Variants in C13orf46 observed in about 807,000 individuals in gnomAD.
C13orf46 encodes the protein chromosome 13 open reading frame 46, also known as uncharacterized protein C13orf46.
intron 6 of C13orf46, among the ~76,000 whole-genome samples, chr13:113,959,799 T>G (rs988428826): frequency 1.1e-4 from 16 of 152,224 alleles, no homozygotes; most frequent in Non-Finnish European, 2.1e-4. Context: ...GCAAAATGAC[T>G]GGCTATTTTA....
rs1566414283 is a variant in C13orf46, at chr13:113,955,911, G to A, written c.*862C>T. On this transcript the variant is annotated 3_prime_UTR_variant, in exon 7 of 7. Transcript: ENST00000636427. ...GTGGAGAGGAGGAGCATCTCGCAGA[G>A]AGGAGGAGCATCTCGCGGAGACGAG... is the stretch of plus-strand genomic sequence containing the variant. 6.3e-6 allele frequency: 1 copy of A among 158,942 alleles called. No homozygotes were observed. Among genetic ancestry groups the A allele is most frequent in the Non-Finnish European group, 1.4e-5 (1 of 73,514 alleles). 9.8% of individuals were successfully genotyped at this position (158,942 alleles called of 1,614,324 possible).
At chr13:113,965,626 A>G (rs926460238) in intron 5 of C13orf46, among the ~76,000 whole-genome samples, 21,184 of 151,918 alleles carry the variant, frequency 0.14, 1,789 homozygotes, top group Middle Eastern at 0.2. Flanking sequence ...GATGGTGGTG[A>G]TGATGACAGT....
downstream of C13orf46, among the ~76,000 whole-genome samples, chr13:113,949,314 G>A (rs2052480387): frequency 6.6e-6 from 1 of 152,222 alleles, no homozygotes; most frequent in Admixed American, 6.5e-5. Flanking sequence ...GTGAATCTGA[G>A]GGGATGTAAA....
At chr13:113,945,575 A>AAGAGAGAGAG in the C13orf46 span, among the ~76,000 whole-genome samples, 290 of 89,094 alleles carry the variant, frequency 3.3e-3, 7 homozygotes, top group African/African-American at 7.9e-3. Flanking sequence ...GAAAGAAAGA[A>AAGAGAGAGAG]AGAGAGAGAG....
intron 5 of C13orf46, among the ~76,000 whole-genome samples, chr13:113,965,764 A>ATGATGG (rs1358387860): frequency 7.1e-6 from 1 of 140,572 alleles, no homozygotes; most frequent in South Asian, 2.3e-4. Flanking sequence ...GGTGATGGTG[A>ATGATGG]TGATGGTGAT....
intron 2 of C13orf46, among the ~76,000 whole-genome samples, chr13:113,969,850 C>T (rs2052685576): frequency 1.3e-5 from 2 of 152,278 alleles, no homozygotes; most frequent in South Asian, 4.2e-4. Flanking sequence ...ACGACGCCTC[C>T]TTCCCCAGAG....
At chr13:113,966,481 A>G (rs1421289546) in intron 5 of C13orf46, among the ~76,000 whole-genome samples, 1 of 150,202 alleles carries the variant, frequency 6.7e-6, no homozygotes, top group Non-Finnish European at 1.5e-5. Context: ...TATAATGGTG[A>G]TGATGATGGT....
intron 6 of C13orf46, among the ~76,000 whole-genome samples, chr13:113,963,247 C>CCCCTGTCCTCAGCCTCGG (rs1457247316): frequency 2.1e-5 from 2 of 97,356 alleles, no homozygotes; most frequent in East Asian, 4.1e-4. Flanking sequence ...CTCAGCCTCG[C>CCCCTGTCCTCAGCCTCGG]CCCTGTCCTC....
chr13:113,970,820 G>A (rs2052696962), intron 1 of C13orf46, among the ~76,000 whole-genome samples: 1 of 152,160 alleles, frequency 6.6e-6, no homozygotes, highest in Non-Finnish European at 1.5e-5. Flanking sequence ...TGTGACAGAG[G>A]ACAGGGGCCC....
At chr13:113,964,349 C>G (rs1189553764) in intron 6 of C13orf46, among the ~76,000 whole-genome samples, 1 of 152,240 alleles carries the variant, frequency 6.6e-6, no homozygotes, top group African/African-American at 2.4e-5. Flanking sequence ...CCACACCCAT[C>G]TTCAGGGCCT....
chr13:113,949,357 G>A (rs1181703535), downstream of C13orf46, among the ~76,000 whole-genome samples: 1 of 152,246 alleles, frequency 6.6e-6, no homozygotes, highest in East Asian at 1.9e-4. Flanking sequence ...AGGAGTGAGT[G>A]TGGGTTGCCT....
intron 1 of C13orf46, among the ~76,000 whole-genome samples, chr13:113,971,549 G>C (rs758932696): frequency 6.3e-4 from 96 of 152,330 alleles, no homozygotes; most frequent in Non-Finnish European, 1.3e-3. Flanking sequence ...TGCTCTTGCC[G>C]GCCTCTCTGG....
At chr13:113,963,157 C>T (rs1434782117) in intron 6 of C13orf46, among the ~76,000 whole-genome samples, 5 of 151,950 alleles carry the variant, frequency 3.3e-5, no homozygotes, top group Non-Finnish European at 7.4e-5. Flanking sequence ...ACAGCTGCAG[C>T]CCCTGTCCTC....
chr13:113,972,985 C>G (rs1354634075), intron 1 of C13orf46, among the ~76,000 whole-genome samples: 2 of 152,200 alleles, frequency 1.3e-5, no homozygotes, highest in African/African-American at 4.8e-5. Flanking sequence ...ACCTGGAGTG[C>G]TCCCCACTTC....
chr13:113,957,480 G>C (rs1304419992), intron 6 of C13orf46, among the ~76,000 whole-genome samples: 1 of 140,560 alleles, frequency 7.1e-6, no homozygotes, highest in Non-Finnish European at 1.5e-5. Context: ...AGCACACTGG[G>C]GGTCTCCCCT....
At chr13:113,963,265 G>GT (rs2052603344) in intron 6 of C13orf46, among the ~76,000 whole-genome samples, 1 of 97,026 alleles carries the variant, frequency 1.0e-5, no homozygotes, top group Admixed American at 1.1e-4. Context: ...CTCAGCCTCG[G>GT]CCCTGTCCTC....
chr13:113,950,024 G>A (rs976006719), downstream of C13orf46, among the ~76,000 whole-genome samples: 26 of 148,356 alleles, frequency 1.8e-4, no homozygotes, highest in Middle Eastern at 3.5e-3. Context: ...CGGGCACCTC[G>A]GTGCTCCCAT....
chr13:113,966,296 AGTGATG>A (rs2052646893), intron 5 of C13orf46, among the ~76,000 whole-genome samples: 1 of 142,478 alleles, frequency 7.0e-6, no homozygotes, highest in African/African-American at 2.6e-5. Flanking sequence ...TGGTCATGAT[AGTGATG>A]GTGATGATGA....
intron 5 of C13orf46, among the ~76,000 whole-genome samples, chr13:113,966,474 A>AATGGTG (rs2052649803): frequency 6.9e-6 from 1 of 144,104 alleles, no homozygotes; most frequent in South Asian, 2.3e-4. Flanking sequence ...TGATGATTAT[A>AATGGTG]ATGGTGATGA....
Sources: allele counts gnomAD v4.1 joint callset (sites outside exome capture counted in the v4.1 genomes callset), GRCh38; gene constraint gnomAD v4.1.1; transcripts MANE v1.5; gene names NCBI Gene and HGNC (gene_info 2026-07-23, HGNC 2026-07-21).